Variants in ADSS1 observed in about 807,000 individuals in gnomAD.
ADSS1 encodes adenylosuccinate synthetase isozyme 1.
In ADSS1, 57 loss-of-function variants were observed where a neutral mutation model predicts 59.1. The observed-to-expected ratio is 0.97, with a 90% confidence interval of 0.78 to 1.20. The LOEUF is 1.20. Among genes scored for constraint, ADSS1 ranks in the 50% most tolerant of loss-of-function variants. The pLI is 0.00. For synonymous variants in ADSS1, 247 were observed against 249.4 expected, an observed-to-expected ratio of 0.99 and a Z score of 0.09; for missense variants, 603 against 610.3, an observed-to-expected ratio of 0.99 and a Z score of 0.13.
At chr14:104,743,661 T>A in intron 10 of ADSS1, 1 of 169,862 alleles carries the variant, frequency 5.9e-6, no homozygotes, top group South Asian at 1.5e-4. Flanking sequence ...AGGGGTGGGC[T>A]CACAGCTTCC....
intron 2 of ADSS1, among the ~76,000 whole-genome samples, chr14:104,736,205 C>T (rs907104565): frequency 1.3e-5 from 2 of 152,216 alleles, no homozygotes; most frequent in Non-Finnish European, 2.9e-5. Flanking sequence ...TGGGGGCGGT[C>T]CCTAGTTCAC....
intron 2 of ADSS1, chr14:104,738,167 T>G: frequency 2.4e-6 from 1 of 414,882 alleles, no homozygotes. Flanking sequence ...AAGATAATTT[T>G]TTGTATTTTT....
intron 11 of ADSS1, chr14:104,745,263 G>A: frequency 3.8e-6 from 1 of 260,832 alleles, no homozygotes; most frequent in East Asian, 1.0e-4. Context: ...AGTGGATGCG[G>A]TCGGCTCTGG....
chr14:104,743,482 G>A (rs540879808), intron 10 of ADSS1: 8 of 364,956 alleles, frequency 2.2e-5, no homozygotes, highest in African/African-American at 1.0e-4. Context: ...TGTGGAGAGC[G>A]GAAGTACCCA....
chr14:104,731,658 G>A (rs1301292649), intron 1 of ADSS1, among the ~76,000 whole-genome samples: 3 of 152,322 alleles, frequency 2.0e-5, no homozygotes, highest in Admixed American at 6.5e-5. Context: ...TGGACGTGGG[G>A]ACCCTGGAGC....
rs758292616 is a variant in ADSS1, at chr14:104,741,179, C to A, written c.729C>A (p.Leu243=). 8.1e-6 allele frequency: 13 copies of A among 1,612,248 alleles called. No individual in the cohort carries two copies. In the South Asian group the frequency reaches 1.4e-4, roughly 18 times the overall value. Residue 243 remains leucine, a synonymous_variant, in exon 8 of 13, where the codon CTC becomes CTA. Coordinates refer to ENST00000330877, the MANE Select transcript of ADSS1 (RefSeq NM_152328.5). The stretch of plus-strand genomic sequence containing the variant: ...GTGTTTACTTTATGTATGAGGCACT[C>A]CACGGCCCCCCCAAGAAGATCCTGG... ...RDGVYFMYEA[L]HGPPKKILVE...
Position 104,740,822 on chromosome 14 carries a change from G to T in ADSS1, c.585-17G>T. 2 of 1,613,828 alleles carry T rather than the reference G, an allele frequency of 1.2e-6. No individual in the cohort carries two copies. The highest frequency in any genetic ancestry group is 2.2e-5 in the South Asian group (2 of 91,060). On this transcript the variant is annotated splice_polypyrimidine_tract_variant and intron_variant, in intron 6 of 12. Coordinates refer to ENST00000330877, the MANE Select transcript of ADSS1 (RefSeq NM_152328.5). The surrounding 1 kb of genome is among the most constrained non-coding windows in gnomAD (Gnocchi z 4.8). ...ATGGACCATGACAGGGGGTGATGATGACTGTCCCTTGTGCAGATTCAAGAA... is the reference window on the plus strand; with the variant it reads ...ATGGACCATGACAGGGGGTGATGATTACTGTCCCTTGTGCAGATTCAAGAA...
rs1891491073 is a variant in ADSS1, at chr14:104,744,665, A to G, written c.1074-147A>G. The G allele has an allele frequency of 9.1e-6, 6 of 662,534 alleles. No individual in the cohort carries two copies. The South Asian group carries it at 1.1e-4, about 13-fold the overall frequency. The allele number at this position is 662,534 out of a possible 1,614,324, so 41.0% of individuals were successfully genotyped here. ...CATCTGCTCTGCAGCCCAATTCCAA[A>G]CAGGCCACCAACCAGTACTGGTCCA... On this transcript the variant is annotated intron_variant, in intron 10 of 12. Transcript: ENST00000330877.
Position 104,735,049 on chromosome 14 carries a change from G to A in ADSS1, c.222G>A (p.Val74=). The stretch of plus-strand genomic sequence containing the variant: ...GCAACAACGCCGGCCACACGGTGGT[G>A]GTGGATGGGAAAGAGTACGACTTCC... The part of the protein sequence containing the change: ...QGGNNAGHTV[V]VDGKEYDFHL... Residue 74 remains valine, a synonymous_variant, in exon 2 of 13, where the codon GTG becomes GTA. Transcript: ENST00000330877. 2 of 1,613,606 alleles carry A rather than the reference G, an allele frequency of 1.2e-6. No homozygotes were observed. Among genetic ancestry groups the A allele is most frequent in the Non-Finnish European group, 1.7e-6 (2 of 1,179,762 alleles).
chr14:104,726,898 T>A (rs1424429638), intron 1 of ADSS1, among the ~76,000 whole-genome samples: 1 of 152,182 alleles, frequency 6.6e-6, no homozygotes, highest in African/African-American at 2.4e-5. Context: ...AAGGGTCACC[T>A]GGGCCTGGGG....
Position 104,746,290 on chromosome 14 carries a change from G to A in ADSS1, c.1226G>A (p.Trp409Ter). 1.9e-6 allele frequency: 3 copies of A among 1,613,796 alleles called. No homozygotes were observed. Among genetic ancestry groups the A allele is most frequent in the Non-Finnish European group, 1.7e-6 (2 of 1,179,916 alleles). ...VEVEYETLPGWKADTTGARRW... is the reference protein window; with the variant it reads ...VEVEYETLPG ...GTTGAGTATGAAACGCTGCCTGGGT[G>A]GAAAGCAGACACCACAGGCGCCAGG... is the stretch of plus-strand genomic sequence containing the variant. The change falls in exon 12 of 13, where the codon TGG becomes TAG. Residue 409 changes from tryptophan (W) to a stop codon, truncating the protein, a stop_gained. Coordinates refer to ENST00000330877, the MANE Select transcript of ADSS1 (RefSeq NM_152328.5). LOFTEE classifies it high-confidence loss of function.
intron 1 of ADSS1, among the ~76,000 whole-genome samples, chr14:104,732,029 C>T (rs887305356): frequency 1.2e-4 from 18 of 152,324 alleles, no homozygotes; most frequent in African/African-American, 3.6e-4. Flanking sequence ...CCCTGCACAC[C>T]GTGCTGAGAG....
At chr14:104,741,825 C>G (rs771581444) in intron 8 of ADSS1, 23 bp from the exon 9 acceptor site, 1 of 1,612,376 alleles carries the variant, frequency 6.2e-7, no homozygotes, top group Non-Finnish European at 8.5e-7. Flanking sequence ...CAGGTAGCCC[C>G]CTAAACCTGC....
At chr14:104,726,779 G>A (rs1189976823) in intron 1 of ADSS1, among the ~76,000 whole-genome samples, 1 of 152,244 alleles carries the variant, frequency 6.6e-6, no homozygotes, top group Non-Finnish European at 1.5e-5. Context: ...TGGTCAAAGT[G>A]CACGCCGTGG....
chr14:104,730,068 A>G (rs953850080), intron 1 of ADSS1: 2 of 1,563,028 alleles, frequency 1.3e-6, no homozygotes, highest in African/African-American at 1.4e-5. Context: ...CCCACCCCTC[A>G]CCTTCCCAGT....
Position 104,739,544 on chromosome 14 carries a change from G to A in ADSS1, c.409+166G>A, listed in dbSNP as rs370502362. 150 of 965,116 alleles carry A rather than the reference G, an allele frequency of 1.6e-4. 1 individual carries two copies. In the East Asian group the frequency reaches 2.4e-3, roughly 15 times the overall value. 59.8% of individuals were successfully genotyped at this position (965,116 alleles called of 1,614,324 possible). A position where few individuals can be genotyped will look rare whatever the true frequency, so the allele number is the denominator to read the frequency against. Reference sequence around the variant, plus strand: ...CCCTTTTCAAAGAGCTTCAAGTTGGGAGCTGGGTCAGGGGTCACTAGCCCA... The same window carrying A: ...CCCTTTTCAAAGAGCTTCAAGTTGGAAGCTGGGTCAGGGGTCACTAGCCCA... On this transcript the variant is annotated intron_variant, in intron 4 of 12. Transcript: ENST00000330877.
chr14:104,746,371 A>T lies in ADSS1; in HGVS notation c.1307A>T (p.His436Leu). The T allele has an allele frequency of 6.2e-7, 1 of 1,612,044 alleles. No homozygotes were observed. The highest frequency in any genetic ancestry group is 8.5e-7 in the Non-Finnish European group (1 of 1,178,802). The change falls in exon 12 of 13, where the codon CAC becomes CTC. Residue 436 changes from histidine (H) to leucine (L), a missense_variant. His to Leu is a moderately conservative substitution (Grantham distance 99, BLOSUM62 -3). Coordinates refer to ENST00000330877, the MANE Select transcript of ADSS1 (RefSeq NM_152328.5). ...AACTACATCCGCTTTGTGGAGAATCACGTGGGAGTCGCAGGTGGGTGCCCT... is the reference window on the plus strand; with the variant it reads ...AACTACATCCGCTTTGTGGAGAATCTCGTGGGAGTCGCAGGTGGGTGCCCT... ...AQNYIRFVEN[H>L]VGVAVKWVGV...
At chr14:104,728,004 A>T (rs1427580097) in intron 1 of ADSS1, among the ~76,000 whole-genome samples, 2 of 152,190 alleles carry the variant, frequency 1.3e-5, no homozygotes, top group Non-Finnish European at 2.9e-5. Context: ...AGCTAGAGCC[A>T]GTGTCCAGCC....
intron 2 of ADSS1, among the ~76,000 whole-genome samples, chr14:104,735,646 A>T (rs1891092756): frequency 6.6e-6 from 1 of 152,058 alleles, no homozygotes; most frequent in African/African-American, 2.4e-5. Flanking sequence ...GCCCCTTCCC[A>T]GTCCGTGCTG....
Sources: allele counts gnomAD v4.1 joint callset (sites outside exome capture counted in the v4.1 genomes callset), GRCh38; gene constraint gnomAD v4.1.1; non-coding constraint Gnocchi (gnomAD v3.1); transcripts MANE v1.5; gene names NCBI Gene and HGNC (gene_info 2026-07-23, HGNC 2026-07-21).